The following DOCK1 variants were observed in gnomAD, a reference collection of about 807,000 sequenced individuals.
DOCK1 encodes the protein dedicator of cytokinesis 1.
DOCK1 carries 138 observed loss-of-function variants against 262.7 expected under a neutral mutation model. The observed-to-expected ratio is 0.53, with a 90% CI of 0.46 to 0.61. The LOEUF (loss-of-function observed/expected upper bound fraction) is 0.61. Among genes scored for constraint, DOCK1 ranks in the 20% least tolerant of loss-of-function variants. The probability of loss-of-function intolerance (pLI) is 0.00; values close to 1 mark genes in which losing one functional copy is unlikely to be tolerated. For synonymous variants in DOCK1, 866 were observed against 867.4 expected, an observed-to-expected ratio of 1.00 and a Z score of 0.03; for missense variants, 1,908 against 2,370.7, an observed-to-expected ratio of 0.80 and a Z score of 4.05.
chr10:127,336,786 A>G (rs56098339), intron 29 of DOCK1, among the ~76,000 whole-genome samples: 5,371 of 152,060 alleles, frequency 0.035, 135 homozygotes, highest in Middle Eastern at 0.071. Flanking sequence ...TGATTCACCC[A>G]CCTTGGCCTC....
chr10:127,101,582 A>C (rs542105035), intron 23 of DOCK1, among the ~76,000 whole-genome samples: 1 of 152,318 alleles, frequency 6.6e-6, no homozygotes, highest in African/African-American at 2.4e-5. Flanking sequence ...TGAGGGTGTC[A>C]TCATGACATT....
chr10:127,436,815 T>G (rs945477813), intron 48 of DOCK1, among the ~76,000 whole-genome samples: 2 of 152,192 alleles, frequency 1.3e-5, no homozygotes, highest in African/African-American at 4.8e-5. Context: ...ATTATAATAA[T>G]ACATGAGTGT....
chr10:127,397,986 A>C (rs569412544), intron 38 of DOCK1, among the ~76,000 whole-genome samples: 1 of 152,188 alleles, frequency 6.6e-6, no homozygotes, highest in East Asian at 1.9e-4. Context: ...AGTGACTCCG[A>C]TTTGGCAAGG....
chr10:127,008,857 G>T (rs1169262954), intron 11 of DOCK1, 53 bp downstream of exon 11: 33 of 1,401,648 alleles, frequency 2.4e-5, no homozygotes, highest in South Asian at 1.3e-5. Flanking sequence ...GAAAACATAG[G>T]CTTGTAATAA....
chr10:127,188,846 T>A (rs1334116039), intron 27 of DOCK1, among the ~76,000 whole-genome samples: 1 of 152,244 alleles, frequency 6.6e-6, no homozygotes. Flanking sequence ...GAGAAATTAC[T>A]ATTTGTAATA....
Position 127,403,160 on chromosome 10 carries a change from T to C in DOCK1, c.4017+16T>C, listed in dbSNP as rs1328776415. The stretch of plus-strand genomic sequence containing the variant: ...CGAATTGCTGGTGAGTCTTTATTTC[T>C]TTTTATTTAAATGAACACAGGCAAT... On this transcript the variant is annotated intron_variant, in intron 39 of 51. Coordinates refer to ENST00000623213, the MANE Select transcript of DOCK1 (RefSeq NM_001290223.2). 1.3e-6 allele frequency: 2 copies of C among 1,586,816 alleles called. No individual in the cohort carries two copies. Among genetic ancestry groups the C allele is most frequent in the Non-Finnish European group, 1.7e-6 (2 of 1,165,650 alleles).
intron 27 of DOCK1, among the ~76,000 whole-genome samples, chr10:127,144,495 G>C (rs372950762): frequency 6.6e-6 from 1 of 152,180 alleles, no homozygotes; most frequent in Non-Finnish European, 1.5e-5. Flanking sequence ...CTCTGAACCT[G>C]CTCTATTTGT....
At chr10:127,236,331 C>T (rs1430568723) in intron 27 of DOCK1, among the ~76,000 whole-genome samples, 1 of 136,810 alleles carries the variant, frequency 7.3e-6, no homozygotes, top group Non-Finnish European at 1.6e-5. Flanking sequence ...CTCCCTCCCC[C>T]TCTCCCCTCC....
chr10:127,004,059 C>T (rs375182342), intron 10 of DOCK1, among the ~76,000 whole-genome samples: 2 of 151,898 alleles, frequency 1.3e-5, no homozygotes, highest in Admixed American at 6.6e-5. Context: ...TCGAGACCAG[C>T]GTGGCCAGTG....
At chr10:127,363,097 A>ACACG (rs60896897) in intron 33 of DOCK1, among the ~76,000 whole-genome samples, 3,951 of 142,078 alleles carry the variant, frequency 0.028, 349 homozygotes, top group African/African-American at 0.11. Context: ...ATACACACAC[A>ACACG]TGCACATGCT....
At chr10:127,376,022 T>C (rs2065466284) in intron 35 of DOCK1, among the ~76,000 whole-genome samples, 1 of 152,184 alleles carries the variant, frequency 6.6e-6, no homozygotes. Flanking sequence ...GTCCATCATA[T>C]TCACTTTCAA....
At position 127,175,572 on chromosome 10, in the gene DOCK1, G is replaced by A. The variant is rs1173390815; in HGVS notation, c.2847+47808G>A. 1 of 1,611,918 alleles carries A rather than the reference G, an allele frequency of 6.2e-7. No homozygotes were observed. The highest frequency in any genetic ancestry group is 2.2e-5 in the East Asian group (1 of 44,864). The stretch of plus-strand genomic sequence containing the variant: ...CGGGCAGAGTGACCACTGGCTGGCG[G>A]CTGCAGAGTCTGACAAACCAGGCTC... On this transcript the variant is annotated intron_variant, in intron 27 of 51. Transcript: ENST00000623213. This position sits in a 1 kb window ranked among gnomAD's most constrained non-coding sequence, Gnocchi z 6.3.
intron 1 of DOCK1, among the ~76,000 whole-genome samples, chr10:126,942,124 A>G (rs2035058607): frequency 6.6e-6 from 1 of 151,678 alleles, no homozygotes; most frequent in African/African-American, 2.4e-5. Flanking sequence ...TCCCGGTTTC[A>G]CACCATTCTC....
intron 1 of DOCK1, among the ~76,000 whole-genome samples, chr10:126,948,723 G>A (rs2035862580): frequency 6.6e-6 from 1 of 152,024 alleles, no homozygotes; most frequent in Admixed American, 6.6e-5. Context: ...GCGCCCAGCT[G>A]TGCAGCTGCC....
chr10:127,403,078 G>A lies in DOCK1; in HGVS notation c.3951G>A (p.Leu1317=), dbSNP rs772769660. Reference sequence around the variant, plus strand: ...AGATGTGGGAGGAGGCCATTGCCTTGGGCAAGGAGCTAGCCGAGCAGTATG... The same window carrying A: ...AGATGTGGGAGGAGGCCATTGCCTTAGGCAAGGAGCTAGCCGAGCAGTATG... The part of the protein sequence containing the change: ...KGKMWEEAIA[L]GKELAEQYEN... The change falls in exon 39 of 52, where the codon TTG becomes TTA. Residue 1317 remains leucine (L), a synonymous_variant. Transcript: ENST00000623213. 2 of 1,612,730 alleles carry A rather than the reference G, an allele frequency of 1.2e-6. No homozygotes were observed. Among genetic ancestry groups the A allele is most frequent in the South Asian group, 2.2e-5 (2 of 90,512 alleles).
intron 27 of DOCK1, among the ~76,000 whole-genome samples, chr10:127,199,977 A>G (rs1207086036): frequency 3.3e-5 from 5 of 152,254 alleles, no homozygotes; most frequent in Non-Finnish European, 7.3e-5. Flanking sequence ...TAGCAACTGC[A>G]GAAGAGGAGC....
At chr10:127,089,629 C>T (rs935854569) in intron 23 of DOCK1, among the ~76,000 whole-genome samples, 4 of 152,208 alleles carry the variant, frequency 2.6e-5, no homozygotes, top group African/African-American at 7.2e-5. Context: ...CAAGTCCAGG[C>T]TTCAGGCTGG....
At chr10:127,341,828 G>A (rs1315187182) in intron 30 of DOCK1, among the ~76,000 whole-genome samples, 3 of 152,162 alleles carry the variant, frequency 2.0e-5, no homozygotes, top group Non-Finnish European at 4.4e-5. Flanking sequence ...TGTTGTTTGA[G>A]GAGGGTTTAG....
At chr10:127,365,307 AT>A (rs2064844317) in intron 33 of DOCK1, among the ~76,000 whole-genome samples, 1 of 152,196 alleles carries the variant, frequency 6.6e-6, no homozygotes, top group African/African-American at 2.4e-5. Flanking sequence ...GATTTCAAAT[AT>A]TTTTGTAACT....
Sources: allele counts gnomAD v4.1 joint callset (sites outside exome capture counted in the v4.1 genomes callset), GRCh38; gene constraint gnomAD v4.1.1; non-coding constraint Gnocchi (gnomAD v3.1); transcripts MANE v1.5; gene names NCBI Gene and HGNC (gene_info 2026-07-23, HGNC 2026-07-21).